The following PPP4R4 variants were observed in gnomAD, a reference collection of about 807,000 sequenced individuals.
The protein encoded by PPP4R4 is protein phosphatase 4 regulatory subunit 4, also known as serine/threonine-protein phosphatase 4 regulatory subunit 4.
Under a neutral mutation model 121.8 loss-of-function variants are expected in PPP4R4, and 70 were observed. That is an observed-to-expected ratio of 0.57 (90% CI 0.47 to 0.70). The LOEUF (loss-of-function observed/expected upper bound fraction) is 0.70, where lower values mean the gene tolerates loss of function less well. Among genes scored for constraint, PPP4R4 ranks in the 30% least tolerant of loss-of-function variants. The pLI is 0.00. For missense variants in PPP4R4, 875 were observed against 1,033.6 expected (o/e 0.85, Z 2.10); for synonymous variants, 348 against 355.7 (o/e 0.98, Z 0.24).
intron 24 of PPP4R4, 149 bp from the exon 25 acceptor site, chr14:94,278,470 G>T (rs1005231504): frequency 4.7e-5 from 18 of 383,344 alleles, no homozygotes; most frequent in African/African-American, 3.5e-4. Flanking sequence ...TCATATATTA[G>T]AATTATTCAA....
Position 94,208,577 on chromosome 14 carries a change from A to G in PPP4R4, c.294+11A>G, listed in dbSNP as rs772725670. On this transcript the variant is annotated intron_variant, in intron 3 of 24. Transcript: ENST00000304338. ...TTGCCAAAAGTCAGAGTAAGTTGGT[A>G]TGAAATAAGATTGGAGTTTCCCATT... is the stretch of plus-strand genomic sequence containing the variant. The G allele has an allele frequency of 1.3e-6, 2 of 1,584,110 alleles. No individual in the cohort carries two copies. The highest frequency in any genetic ancestry group is 2.2e-5 in the East Asian group (1 of 44,612).
chr14:94,193,140 T>C (rs943946055), intron 2 of PPP4R4, among the ~76,000 whole-genome samples: 15 of 152,216 alleles, frequency 9.9e-5, no homozygotes, highest in African/African-American at 2.2e-4. Flanking sequence ...TCTAGCATCA[T>C]TGATCATTGA....
intron 2 of PPP4R4, among the ~76,000 whole-genome samples, chr14:94,199,208 A>G (rs540370649): frequency 2.0e-5 from 3 of 152,366 alleles, no homozygotes; most frequent in Admixed American, 2.0e-4. Context: ...TGGTCTACAA[A>G]TCTTAAACAT....
chr14:94,262,137 A>T (rs4905176), intron 19 of PPP4R4, among the ~76,000 whole-genome samples: 35,873 of 151,772 alleles, frequency 0.24, 5,094 homozygotes, highest in East Asian at 0.59. Context: ...TTGCCTTAAG[A>T]GTTTTATAGA....
Position 94,279,122 on chromosome 14 carries a change from A to G in PPP4R4, c.*479A>G, listed in dbSNP as rs941287062. On this transcript the variant is annotated 3_prime_UTR_variant, in exon 25 of 25. Transcript: ENST00000304338. ...CATTTTCTCATGAGTCTCCAAGCCC[A>G]CTTGAAAAGTCACACTGAAAGGATG... 1 of 152,530 alleles carries G rather than the reference A, an allele frequency of 6.6e-6. No homozygotes were observed. The highest frequency in any genetic ancestry group is 1.5e-5 in the Non-Finnish European group (1 of 68,058). 9.4% of individuals were successfully genotyped at this position (152,530 alleles called of 1,614,324 possible).
chr14:94,178,713 A>G (rs2139372014), intron 2 of PPP4R4, among the ~76,000 whole-genome samples: 1 of 152,352 alleles, frequency 6.6e-6, no homozygotes, highest in Admixed American at 6.5e-5. Flanking sequence ...CATACGTGCG[A>G]TACTGATATA....
intron 23 of PPP4R4, among the ~76,000 whole-genome samples, chr14:94,269,378 C>T (rs1276419005): frequency 6.6e-6 from 1 of 151,964 alleles, no homozygotes; most frequent in African/African-American, 2.4e-5. Flanking sequence ...AGTAGTGTTA[C>T]ATAAAACTGT....
intron 17 of PPP4R4, among the ~76,000 whole-genome samples, chr14:94,257,973 G>A (rs1013113273): frequency 2.0e-5 from 3 of 152,166 alleles, no homozygotes; most frequent in Middle Eastern, 3.4e-3. Flanking sequence ...TGAGACATTA[G>A]TATGGAAAAC....
At chr14:94,210,103 A>G (rs1890664470) in intron 3 of PPP4R4, among the ~76,000 whole-genome samples, 1 of 151,524 alleles carries the variant, frequency 6.6e-6, no homozygotes, top group Admixed American at 6.6e-5. Context: ...ATTTTATACA[A>G]ATTTTCATTA....
chr14:94,236,547 TG>T (rs1291592053), intron 7 of PPP4R4, among the ~76,000 whole-genome samples: 2 of 152,182 alleles, frequency 1.3e-5, no homozygotes, highest in African/African-American at 4.8e-5. Flanking sequence ...TAGAAAAACA[TG>T]TTTTTTTGTG....
At chr14:94,227,545 C>T (rs901182007) in intron 3 of PPP4R4, 4 of 1,315,024 alleles carry the variant, frequency 3.0e-6, no homozygotes, top group Non-Finnish European at 3.9e-6. Flanking sequence ...CCTGATAAGA[C>T]TTGAGGATTT....
chr14:94,254,692 T>G (rs1893371412), intron 16 of PPP4R4, among the ~76,000 whole-genome samples: 1 of 152,150 alleles, frequency 6.6e-6, no homozygotes, highest in Non-Finnish European at 1.5e-5. Flanking sequence ...AGCATTCAGA[T>G]GAATAAATGA....
At chr14:94,183,987 A>T (rs1463512817) in intron 2 of PPP4R4, among the ~76,000 whole-genome samples, 2 of 152,150 alleles carry the variant, frequency 1.3e-5, no homozygotes, top group Non-Finnish European at 2.9e-5. Context: ...ATATTATAAC[A>T]TATGTATATC....
chr14:94,268,351 AT>A (rs1223998591), intron 23 of PPP4R4, among the ~76,000 whole-genome samples: 1 of 152,158 alleles, frequency 6.6e-6, no homozygotes, highest in African/African-American at 2.4e-5. Flanking sequence ...ATTTTGTAAC[AT>A]TTTTTGTCAA....
chr14:94,202,110 G>A (rs184373730), intron 2 of PPP4R4, among the ~76,000 whole-genome samples: 3 of 152,118 alleles, frequency 2.0e-5, no homozygotes, highest in Non-Finnish European at 1.5e-5. Context: ...CTATGAGGAC[G>A]CAAAGGCATA....
intron 2 of PPP4R4, among the ~76,000 whole-genome samples, chr14:94,201,257 T>C (rs1420521792): frequency 6.6e-6 from 1 of 152,222 alleles, no homozygotes; most frequent in East Asian, 1.9e-4. Context: ...ATGGTCTTTC[T>C]TGGAGAATAT....
chr14:94,263,537 C>A (rs946079793), intron 19 of PPP4R4, among the ~76,000 whole-genome samples: 2 of 152,232 alleles, frequency 1.3e-5, no homozygotes, highest in Non-Finnish European at 2.9e-5. Flanking sequence ...ATTTCAGCAG[C>A]CTTTCAAAGC....
At chr14:94,231,872 T>C (rs1261496259) in intron 5 of PPP4R4, among the ~76,000 whole-genome samples, 2 of 152,174 alleles carry the variant, frequency 1.3e-5, no homozygotes, top group Non-Finnish European at 2.9e-5. Context: ...TTTCCTAGAC[T>C]TTTATCAGCA....
At chr14:94,269,374 G>A in intron 23 of PPP4R4, among the ~76,000 whole-genome samples, 1 of 152,038 alleles carries the variant, frequency 6.6e-6, no homozygotes, top group Non-Finnish European at 1.5e-5. Flanking sequence ...ATGGAGTAGT[G>A]TTACATAAAA....
Sources: allele counts gnomAD v4.1 joint callset (sites outside exome capture counted in the v4.1 genomes callset), GRCh38; gene constraint gnomAD v4.1.1; transcripts MANE v1.5; gene names NCBI Gene and HGNC (gene_info 2026-07-23, HGNC 2026-07-21).